The following PTPRA variants were observed in gnomAD, a reference collection of about 807,000 sequenced individuals.
PTPRA encodes the protein receptor-type tyrosine-protein phosphatase alpha.
A neutral mutation model predicts 104.8 loss-of-function variants in PTPRA; 25 were observed. The ratio of observed to expected loss-of-function variants is 0.24; its 90% CI spans 0.17 to 0.33. The LOEUF is 0.33. Ranked by LOEUF, PTPRA falls within the 10% of genes least tolerant of loss-of-function variation. The pLI is 1.00. For missense variants in PTPRA, 765 were observed against 1,015.3 expected, an observed-to-expected ratio of 0.75 and a Z score of 3.35; for synonymous variants, 323 against 368.9, an observed-to-expected ratio of 0.88 and a Z score of 1.43.
At chr20:2,905,110 T>C (rs775054621) in intron 1 of PTPRA, among the ~76,000 whole-genome samples, 3 of 152,162 alleles carry the variant, frequency 2.0e-5, no homozygotes, top group Non-Finnish European at 4.4e-5. Context: ...CTGCGAACTG[T>C]ACACTCCAGG....
chr20:2,897,906 C>CTTTTTTTTT (rs34328077), intron 1 of PTPRA, among the ~76,000 whole-genome samples: 9 of 83,722 alleles, frequency 1.1e-4, no homozygotes, highest in East Asian at 3.3e-4. Flanking sequence ...CCTCATCATT[C>CTTTTTTTTT]TTTTTTTTTT....
At chr20:2,960,675 T>TAC (rs1044616152) in intron 3 of PTPRA, among the ~76,000 whole-genome samples, 6 of 151,824 alleles carry the variant, frequency 4.0e-5, no homozygotes, top group Middle Eastern at 3.2e-3. Context: ...TAGCTGAGAC[T>TAC]ACACACACAC....
At chr20:2,868,676 C>A (rs1325240897), upstream of PTPRA, among the ~76,000 whole-genome samples, 2 of 118,316 alleles carry the variant, frequency 1.7e-5, no homozygotes, top group African/African-American at 6.5e-5. Flanking sequence ...CACAATTCCT[C>A]ACTGCCCTGG....
At chr20:3,021,533 A>G (rs1420407202) in intron 14 of PTPRA, 105 bp downstream of exon 14, 8 of 1,455,414 alleles carry the variant, frequency 5.5e-6, no homozygotes, top group African/African-American at 1.4e-5. Context: ...CTGAGTATGC[A>G]GTATGTGAAT....
intron 19 of PTPRA, among the ~76,000 whole-genome samples, chr20:3,027,445 A>C (rs950541167): frequency 2.6e-5 from 4 of 152,216 alleles, no homozygotes; most frequent in African/African-American, 9.7e-5. Flanking sequence ...AGAGCAGACC[A>C]CAGCCAAGAG....
At chr20:2,946,583 C>T (rs546875716) in intron 2 of PTPRA, among the ~76,000 whole-genome samples, 234 of 152,260 alleles carry the variant, frequency 1.5e-3, no homozygotes, top group Non-Finnish European at 2.8e-3. Context: ...GGCATGGTGG[C>T]TCACACCTGT....
intron 5 of PTPRA, among the ~76,000 whole-genome samples, chr20:2,972,258 T>C (rs1035267382): frequency 6.6e-6 from 1 of 152,222 alleles, no homozygotes; most frequent in African/African-American, 2.4e-5. Flanking sequence ...CAGGCTGAAG[T>C]ACAGTGGCAC....
intron 5 of PTPRA, 60 bp downstream of exon 5, chr20:2,965,262 CTTGT>C (rs775432248): frequency 3.5e-6 from 5 of 1,444,616 alleles, no homozygotes; most frequent in Admixed American, 2.2e-5. Flanking sequence ...CTTTTATTAT[CTTGT>C]TTGTGTTTTC....
At chr20:2,864,793 G>A in the PTPRA span, 1 of 1,160,884 alleles carries the variant, frequency 8.6e-7, no homozygotes. This position sits in a 1 kb window ranked among gnomAD's most constrained non-coding sequence, Gnocchi z 5.2. Flanking sequence ...CTGACGTGAG[G>A]CCAGGATGGG....
chr20:2,925,240 G>A (rs2060251774), intron 2 of PTPRA, among the ~76,000 whole-genome samples: 1 of 151,978 alleles, frequency 6.6e-6, no homozygotes, highest in East Asian at 1.9e-4. Flanking sequence ...CTGTCTCTAT[G>A]AATTTGACTA....
upstream of PTPRA, among the ~76,000 whole-genome samples, chr20:2,869,267 A>T (rs1224171944): frequency 1.3e-5 from 2 of 152,182 alleles, no homozygotes; most frequent in African/African-American, 4.8e-5. Context: ...AGACATCAGT[A>T]CACCTCCCCC....
At chr20:2,911,587 G>A (rs2059723959) in intron 1 of PTPRA, among the ~76,000 whole-genome samples, 1 of 152,140 alleles carries the variant, frequency 6.6e-6, no homozygotes, top group South Asian at 2.1e-4. Flanking sequence ...AAGGAATAAT[G>A]TGTTTGCCCT....
chr20:2,961,740 CT>C (rs2061762080), intron 3 of PTPRA, among the ~76,000 whole-genome samples: 1 of 152,054 alleles, frequency 6.6e-6, no homozygotes, highest in African/African-American at 2.4e-5. Context: ...ATTTTATAGT[CT>C]TATGATTGAT....
intron 11 of PTPRA, among the ~76,000 whole-genome samples, chr20:3,010,866 G>C (rs906085322): frequency 1.8e-4 from 27 of 152,186 alleles, no homozygotes; most frequent in Admixed American, 3.9e-4. Flanking sequence ...TGGGGAATGG[G>C]CACCTTCCAA....
intron 1 of PTPRA, among the ~76,000 whole-genome samples, chr20:2,910,415 A>ATATATTT (rs1302952202): frequency 1.1e-4 from 14 of 130,666 alleles, no homozygotes; most frequent in South Asian, 2.2e-4. Flanking sequence ...TTTGTATATT[A>ATATATTT]TATAATATAT....
intron 2 of PTPRA, among the ~76,000 whole-genome samples, chr20:2,946,057 A>G (rs2061118523): frequency 6.6e-6 from 1 of 152,106 alleles, no homozygotes; most frequent in East Asian, 1.9e-4. Flanking sequence ...GGTTGTGAAT[A>G]TTTGGACTAC....
At chr20:2,868,310 CT>C in the PTPRA span, among the ~76,000 whole-genome samples, 683 of 104,132 alleles carry the variant, frequency 6.6e-3, 2 homozygotes, top group African/African-American at 0.02. Flanking sequence ...GACTCCACCT[CT>C]TTTTTTTTTT....
At chr20:2,935,464 G>T (rs890966510) in intron 2 of PTPRA, among the ~76,000 whole-genome samples, 2 of 152,270 alleles carry the variant, frequency 1.3e-5, no homozygotes, top group African/African-American at 4.8e-5. Context: ...GAACATAGTA[G>T]TACAGATATC....
At chr20:2,923,058 T>C (rs1280392357) in intron 1 of PTPRA, 149 bp from the exon 2 acceptor site, 2 of 266,186 alleles carry the variant, frequency 7.5e-6, no homozygotes, top group Non-Finnish European at 1.4e-5. Context: ...GCTAAGTAGC[T>C]GGGATTATAG....
Sources: gnomAD v4.1 joint callset for allele counts (sites outside exome capture counted in the v4.1 genomes callset) on GRCh38, gnomAD v4.1.1 for gene constraint, Gnocchi (gnomAD v3.1) non-coding constraint, MANE v1.5 for transcripts, NCBI Gene and HGNC (gene_info 2026-07-23, HGNC 2026-07-21) for gene names.